Variants in ZNF385D observed in about 807,000 individuals in gnomAD.
The protein encoded by ZNF385D is zinc finger protein 385D.
ZNF385D carries 15 observed loss-of-function variants against 35.8 expected under a neutral mutation model. That is an observed-to-expected ratio of 0.42 (90% CI 0.28 to 0.64). ZNF385D has a LOEUF of 0.64. Ranked by LOEUF, ZNF385D falls within the 30% of genes least tolerant of loss-of-function variation. ZNF385D has a pLI of 0.23. For synonymous variants in ZNF385D, 212 were observed against 186.8 expected (o/e 1.13, Z -1.10); for missense variants, 474 against 494.6 (o/e 0.96, Z 0.39).
rs142352722 is a variant in ZNF385D, at chr3:21,500,260, GT to G, written c.439+10600del. Reference sequence around the variant, plus strand: ...TTACTATGTACTTTGGTATGTGTTAGTTTTTACTATTAAAATAATTCCTAGC... The same window carrying G: ...TTACTATGTACTTTGGTATGTGTTAGTTTTACTATTAAAATAATTCCTAGC... On this transcript the variant is annotated intron_variant, in intron 4 of 7. Transcript: ENST00000281523. 8.5e-5 allele frequency among the ~76,000 whole-genome samples: 13 copies of G among 152,208 alleles called. No homozygotes were observed. The East Asian group carries it at 2.5e-3, about 29-fold the overall frequency.
At chr3:21,974,777 C>G (rs1023475977) in intron 3 of ZNF385D, among the ~76,000 whole-genome samples, 1 of 152,056 alleles carries the variant, frequency 6.6e-6, no homozygotes. Flanking sequence ...AGACGTTTCT[C>G]AAAAGAAGGC....
At chr3:21,779,017 C>T (rs1458853140) in intron 3 of ZNF385D, among the ~76,000 whole-genome samples, 1 of 151,922 alleles carries the variant, frequency 6.6e-6, no homozygotes, top group Non-Finnish European at 1.5e-5. Context: ...AGATATTCTT[C>T]CAAGAAACTC....
chr3:21,608,267 C>G (rs924708815), intron 2 of ZNF385D, among the ~76,000 whole-genome samples: 38 of 152,040 alleles, frequency 2.5e-4, no homozygotes, highest in African/African-American at 8.9e-4. Context: ...CCTTGGCCTC[C>G]TAAAGTGCTG....
intron 3 of ZNF385D, among the ~76,000 whole-genome samples, chr3:22,088,612 G>A (rs1212778897): frequency 6.6e-6 from 1 of 152,168 alleles, no homozygotes; most frequent in Non-Finnish European, 1.5e-5. Context: ...CGGGAGAACA[G>A]AGCAATAACT....
intron 2 of ZNF385D, among the ~76,000 whole-genome samples, chr3:22,327,953 T>C (rs758498736): frequency 1.3e-5 from 2 of 152,234 alleles, no homozygotes; most frequent in Non-Finnish European, 2.9e-5. Flanking sequence ...TGGAAGAAAC[T>C]GAAGTAACAT....
intron 1 of ZNF385D, among the ~76,000 whole-genome samples, chr3:21,723,732 T>C (rs1042993081): frequency 1.3e-5 from 2 of 152,140 alleles, no homozygotes; most frequent in Non-Finnish European, 1.5e-5. Context: ...CTCTTCAGGA[T>C]ATTATCCAGG....
intron 3 of ZNF385D, among the ~76,000 whole-genome samples, chr3:21,896,793 T>C (rs1575860787): frequency 6.6e-6 from 1 of 151,730 alleles, no homozygotes; most frequent in South Asian, 2.1e-4. Context: ...GGTTCTGTGT[T>C]TGTATTTCTC....
chr3:21,497,926 G>A lies in ZNF385D; in HGVS notation c.439+12935C>T, dbSNP rs577121371. Among the ~76,000 whole-genome samples, 7 of 152,142 alleles carry A rather than the reference G, an allele frequency of 4.6e-5. No homozygotes were observed. In the East Asian group the frequency reaches 9.6e-4, roughly 21 times the overall value. On this transcript the variant is annotated intron_variant, in intron 4 of 7. Transcript: ENST00000281523. Reference sequence around the variant, plus strand: ...ACCCAAATAGCCAAAGCAATCCTAAGCAAAAAGAACAAAGCTGGCGGTATC... The same window carrying A: ...ACCCAAATAGCCAAAGCAATCCTAAACAAAAAGAACAAAGCTGGCGGTATC...
At chr3:21,714,037 T>G (rs2125423842) in intron 1 of ZNF385D, among the ~76,000 whole-genome samples, 1 of 152,238 alleles carries the variant, frequency 6.6e-6, no homozygotes, top group African/African-American at 2.4e-5. Context: ...TCCTCAACCC[T>G]CTAACACTTT....
intron 3 of ZNF385D, among the ~76,000 whole-genome samples, chr3:21,932,448 C>CTT (rs1171912567): frequency 6.6e-6 from 1 of 151,652 alleles, no homozygotes; most frequent in East Asian, 2.0e-4. Context: ...TCAACATTGC[C>CTT]TTCAGGCTAT....
rs76927074 is a variant in ZNF385D, at chr3:22,344,948, C to G, written c.106+27502G>C. On this transcript the variant is annotated intron_variant, in intron 2 of 5. Coordinates refer to the ZNF385D transcript ENST00000494108. ...TGCTCAGCCCTATCCAAGTGAGAAG[C>G]TTGGGCCCAAAATTTCTACTTTTTC... Among the ~76,000 whole-genome samples, 447 of 152,220 alleles carry G rather than the reference C, an allele frequency of 2.9e-3. 2 individuals are homozygous for G. Among genetic ancestry groups the G allele is most frequent in the African/African-American group, 0.01 (423 of 41,532 alleles).
At chr3:22,276,754 C>A (rs551294468) in intron 2 of ZNF385D, among the ~76,000 whole-genome samples, 2 of 152,198 alleles carry the variant, frequency 1.3e-5, no homozygotes, top group African/African-American at 4.8e-5. Context: ...GCCTTTGCTG[C>A]TTATGGATGG....
chr3:21,637,670 C>T (rs1241177298), intron 2 of ZNF385D, among the ~76,000 whole-genome samples: 2 of 152,046 alleles, frequency 1.3e-5, no homozygotes, highest in African/African-American at 4.8e-5. Context: ...AACACCAGTC[C>T]ACATTTGGCA....
intron 3 of ZNF385D, among the ~76,000 whole-genome samples, chr3:21,983,597 C>T (rs1202270225): frequency 7.0e-6 from 1 of 142,084 alleles, no homozygotes; most frequent in Non-Finnish European, 1.5e-5. Flanking sequence ...CAAGTCTTTG[C>T]TATTGTGAAT....
intron 2 of ZNF385D, among the ~76,000 whole-genome samples, chr3:22,328,216 C>T (rs895376562): frequency 2.6e-5 from 4 of 151,952 alleles, no homozygotes; most frequent in Admixed American, 2.0e-4. Flanking sequence ...TTTCCACCCT[C>T]CCCTCACTTC....
At chr3:21,812,928 C>A (rs920009482) in intron 3 of ZNF385D, among the ~76,000 whole-genome samples, 2 of 152,214 alleles carry the variant, frequency 1.3e-5, no homozygotes, top group South Asian at 4.1e-4. Context: ...AGTAGCCCAA[C>A]TGGGAGACAC....
intron 4 of ZNF385D, among the ~76,000 whole-genome samples, chr3:21,499,713 A>G (rs1031886841): frequency 2.0e-5 from 3 of 152,082 alleles, no homozygotes; most frequent in African/African-American, 7.2e-5. Context: ...CATTACTGCT[A>G]CACATTCTGC....
At chr3:22,021,417 G>T (rs1223879365) in intron 3 of ZNF385D, among the ~76,000 whole-genome samples, 1 of 151,888 alleles carries the variant, frequency 6.6e-6, no homozygotes, top group African/African-American at 2.4e-5. Flanking sequence ...AAAGAATAGT[G>T]ACCCTAAAAT....
chr3:21,594,651 C>T (rs2064080178), intron 2 of ZNF385D, among the ~76,000 whole-genome samples: 1 of 152,138 alleles, frequency 6.6e-6, no homozygotes, highest in Non-Finnish European at 1.5e-5. Context: ...GAATTTAAAG[C>T]TTGGTGATCA....
Sources: gnomAD v4.1 joint callset for allele counts (sites outside exome capture counted in the v4.1 genomes callset) on GRCh38, gnomAD v4.1.1 for gene constraint, MANE v1.5 for transcripts, NCBI Gene and HGNC (gene_info 2026-07-23, HGNC 2026-07-21) for gene names.